The following AGR3 variants were observed in gnomAD, a reference collection of about 807,000 sequenced individuals.
AGR3 encodes the protein anterior gradient protein 3.
Under a neutral mutation model 24.5 loss-of-function variants are expected in AGR3, and 37 were observed. The ratio of observed to expected loss-of-function variants is 1.51; its 90% CI spans 1.16 to 1.99. The LOEUF (loss-of-function observed/expected upper bound fraction) is 1.99. AGR3 is among the 30% of genes most tolerant of loss of function. The pLI, the probability that AGR3 is intolerant of heterozygous loss-of-function variation, is 0.00. For synonymous variants in AGR3, 75 were observed against 61.6 expected, an observed-to-expected ratio of 1.22 and a Z score of -1.02; for missense variants, 228 against 191.1, an observed-to-expected ratio of 1.19 and a Z score of -1.14.
chr7:16,867,444 G>T (rs540539095), intron 3 of AGR3, among the ~76,000 whole-genome samples: 6 of 152,184 alleles, frequency 3.9e-5, no homozygotes, highest in African/African-American at 1.2e-4. Context: ...TTGATATATG[G>T]ATATGTTGTA....
chr7:16,875,552 A>C (rs1192820543), intron 2 of AGR3, among the ~76,000 whole-genome samples: 1 of 152,128 alleles, frequency 6.6e-6, no homozygotes, highest in Admixed American at 6.6e-5. Context: ...TCTTTTATGA[A>C]TAATGATGCT....
chr7:16,858,793 C>T (rs567194461), downstream of AGR3, among the ~76,000 whole-genome samples: 225 of 152,204 alleles, frequency 1.5e-3, no homozygotes, highest in Non-Finnish European at 2.5e-3. Flanking sequence ...ATCGCTTGAA[C>T]GGGTAGCAGC....
intron 3 of AGR3, among the ~76,000 whole-genome samples, chr7:16,863,740 A>G (rs927275490): frequency 2.0e-5 from 3 of 151,882 alleles, no homozygotes; most frequent in Non-Finnish European, 4.4e-5. Context: ...ATATTCTATT[A>G]TATTAATATT....
At position 16,862,597 on chromosome 7, in the gene AGR3, G is replaced by A. The variant is rs897713428; in HGVS notation, c.226+13C>T. The A allele has an allele frequency of 6.8e-7, 1 of 1,479,438 alleles. No homozygotes were observed. 91.6% of individuals were successfully genotyped at this position (1,479,438 alleles called of 1,614,324 possible). ...ATTATATATTATAATAAGATATCAG[G>A]GGCTAAAATTACCTTGAGAGTATTG... On this transcript the variant is annotated intron_variant, in intron 4 of 7. Coordinates refer to ENST00000310398, the MANE Select transcript of AGR3 (RefSeq NM_176813.5).
chr7:16,854,789 C>T (rs921577561), downstream of AGR3, among the ~76,000 whole-genome samples: 6 of 152,132 alleles, frequency 3.9e-5, no homozygotes, highest in South Asian at 2.1e-4. Context: ...GAATCTTTTC[C>T]GTGCCTGTCA....
intron 3 of AGR3, chr7:16,864,434 C>G: frequency 7.7e-7 from 1 of 1,296,880 alleles, no homozygotes; most frequent in Non-Finnish European, 1.1e-6. Flanking sequence ...AGAGATTCCT[C>G]TGCAGAATGT....
chr7:16,864,825 T>C, intron 3 of AGR3: 1 of 883,950 alleles, frequency 1.1e-6, no homozygotes, highest in Non-Finnish European at 1.9e-6. Flanking sequence ...TAGCTATAGA[T>C]GTCCTATATT....
At chr7:16,873,739 C>T (rs1362050948) in intron 3 of AGR3, 41 bp downstream of exon 3, 1 of 1,450,744 alleles carries the variant, frequency 6.9e-7, no homozygotes, top group Non-Finnish European at 9.7e-7. Flanking sequence ...TATGAGTCTA[C>T]TACAAATAAA....
chr7:16,869,076 G>T (rs1234420632), intron 3 of AGR3, among the ~76,000 whole-genome samples: 3 of 152,180 alleles, frequency 2.0e-5, no homozygotes, highest in Non-Finnish European at 4.4e-5. Context: ...CTAAAGTGTA[G>T]TTCAAGTCCA....
intron 5 of AGR3, 39 bp downstream of exon 5, chr7:16,861,945 A>G: frequency 6.8e-7 from 1 of 1,476,424 alleles, no homozygotes; most frequent in Non-Finnish European, 9.3e-7. Context: ...AATTTCCATG[A>G]AATTATAGTA....
intron 3 of AGR3, among the ~76,000 whole-genome samples, chr7:16,871,523 A>C (rs1023428700): frequency 6.6e-6 from 1 of 152,164 alleles, no homozygotes; most frequent in African/African-American, 2.4e-5. Context: ...TGAAAAAAAG[A>C]AACAAGAAAG....
rs560698725 is a variant in AGR3, at chr7:16,874,264, T to C, written c.110-421A>G. Among the ~76,000 whole-genome samples, 8 of 152,276 alleles carry C rather than the reference T, an allele frequency of 5.3e-5. No individual in the cohort carries two copies. In the South Asian group the frequency reaches 1.5e-3, roughly 28 times the overall value. ...CCCTCCTATTTTGGGTCCCAAGAGA[T>C]GTTGACCTCTTCTAAGTCAGTATAC... is the stretch of plus-strand genomic sequence containing the variant. On this transcript the variant is annotated intron_variant, in intron 2 of 7. Transcript: ENST00000310398.
intron 6 of AGR3, 141 bp from the exon 7 acceptor site, chr7:16,860,724 T>C (rs952819538): frequency 1.1e-5 from 7 of 615,508 alleles, no homozygotes; most frequent in South Asian, 2.1e-5. Context: ...ATGCTGAAGT[T>C]TGGGCTTCAG....
intron 6 of AGR3, 122 bp from the exon 7 acceptor site, chr7:16,860,705 T>C (rs939414936): frequency 4.6e-6 from 3 of 654,912 alleles, no homozygotes; most frequent in Middle Eastern, 4.2e-4. Context: ...TACACAGATA[T>C]ATTGTGTGAT....
chr7:16,873,908 C>T, intron 2 of AGR3, 65 bp from the exon 3 acceptor site: 1 of 1,202,826 alleles, frequency 8.3e-7, no homozygotes, highest in South Asian at 1.2e-5. Flanking sequence ...AAATGGGTAT[C>T]TAATAATCAG....
chr7:16,859,715 G>A, intron 7 of AGR3, 84 bp from the exon 8 acceptor site: 1 of 885,076 alleles, frequency 1.1e-6, no homozygotes, highest in South Asian at 1.7e-5. Context: ...ACCTGAAATT[G>A]GCCCATTTAA....
At chr7:16,855,650 T>C (rs1781548124), downstream of AGR3, among the ~76,000 whole-genome samples, 1 of 152,188 alleles carries the variant, frequency 6.6e-6, no homozygotes, top group African/African-American at 2.4e-5. Context: ...AGGCAGATGT[T>C]GCGCAAAAAA....
intron 3 of AGR3, chr7:16,865,403 T>A: frequency 3.1e-6 from 3 of 978,456 alleles, no homozygotes; most frequent in Non-Finnish European, 4.9e-6. Flanking sequence ...CTATAGTCAC[T>A]ATTCGATTAA....
At chr7:16,866,409 G>T in intron 3 of AGR3, 1 of 274,446 alleles carries the variant, frequency 3.6e-6, no homozygotes, top group South Asian at 4.4e-5. Context: ...GAAGATGCCA[G>T]GTTCCTGAAA....
Sources: gnomAD v4.1 joint callset for allele counts (sites outside exome capture counted in the v4.1 genomes callset) on GRCh38, gnomAD v4.1.1 for gene constraint, MANE v1.5 for transcripts, NCBI Gene and HGNC (gene_info 2026-07-23, HGNC 2026-07-21) for gene names.